Variants in TSPAN4 observed in about 807,000 individuals in gnomAD.
TSPAN4 encodes the protein tetraspanin 4, also known as tetraspanin-4.
In TSPAN4, 38 loss-of-function variants were observed where a neutral mutation model predicts 31.5. The ratio of observed to expected loss-of-function variants is 1.21; its 90% CI spans 0.93 to 1.58. The LOEUF is 1.58. TSPAN4 is among the 40% of genes most tolerant of loss of function. The pLI, the probability that TSPAN4 is intolerant of heterozygous loss-of-function variation, is 0.00. For missense variants in TSPAN4, 330 were observed against 317.3 expected, an observed-to-expected ratio of 1.04 and a Z score of -0.30; for synonymous variants, 186 against 144.6, an observed-to-expected ratio of 1.29 and a Z score of -2.06.
rs553716529 is a variant in TSPAN4 at position 865,859 on chromosome 11, G to A, written c.564+34G>A. On this transcript the variant is annotated intron_variant, in intron 7 of 8. Coordinates refer to ENST00000397397, the MANE Select transcript of TSPAN4 (RefSeq NM_003271.5). Reference sequence around the variant, plus strand: ...GACCCCCACCCTGGGGGCTGGTAGGGGCCTAGAGGGCGGGACCAGCAGGCC... The same window carrying A: ...GACCCCCACCCTGGGGGCTGGTAGGAGCCTAGAGGGCGGGACCAGCAGGCC... 10 of 1,612,568 alleles carry A rather than the reference G, an allele frequency of 6.2e-6. No individual in the cohort carries two copies. In the African/African-American group the frequency reaches 1.3e-4, roughly 21 times the overall value.
At chr11:852,339 G>A (rs1037139698) in intron 3 of TSPAN4, among the ~76,000 whole-genome samples, 2 of 152,024 alleles carry the variant, frequency 1.3e-5, no homozygotes, top group African/African-American at 4.8e-5. Flanking sequence ...GGTCAGGTTG[G>A]TCTCGAACTC....
At chr11:862,927 TG>T (rs772426201) in intron 4 of TSPAN4, 186 bp downstream of exon 4, 55 of 630,360 alleles carry the variant, frequency 8.7e-5, no homozygotes, top group South Asian at 2.2e-4. Flanking sequence ...ACACTGGGGC[TG>T]GGGGGTGATT....
intron 3 of TSPAN4, among the ~76,000 whole-genome samples, chr11:854,153 G>A (rs1168902096): frequency 1.3e-5 from 2 of 152,224 alleles, no homozygotes; most frequent in Non-Finnish European, 1.5e-5. Flanking sequence ...GAGCTATTTA[G>A]CAAGGTGCCA....
chr11:862,146 C>A (rs765660815), intron 3 of TSPAN4, among the ~76,000 whole-genome samples: 1 of 152,226 alleles, frequency 6.6e-6, no homozygotes, highest in Admixed American at 6.5e-5. Context: ...AGTGGCCTGT[C>A]AGGTGGGGAG....
At chr11:851,643 G>A (rs1488845991) in intron 3 of TSPAN4, among the ~76,000 whole-genome samples, 2 of 152,154 alleles carry the variant, frequency 1.3e-5, no homozygotes, top group Non-Finnish European at 2.9e-5. Flanking sequence ...AAGAGGCTCT[G>A]GAGGGGTGAG....
chr11:852,975 G>A (rs556831946), intron 3 of TSPAN4, among the ~76,000 whole-genome samples: 218 of 152,334 alleles, frequency 1.4e-3, no homozygotes, highest in Admixed American at 3.6e-3. Flanking sequence ...AGTGACCAGA[G>A]CCGTGGGCAG....
intron 1 of TSPAN4, among the ~76,000 whole-genome samples, chr11:844,887 G>A (rs1215190090): frequency 6.6e-6 from 1 of 152,128 alleles, no homozygotes; most frequent in Non-Finnish European, 1.5e-5. Flanking sequence ...CATGATTGAA[G>A]TTTTAGCTGC....
intron 4 of TSPAN4, 60 bp downstream of exon 4, chr11:862,801 G>A: frequency 1.3e-6 from 2 of 1,487,290 alleles, no homozygotes; most frequent in South Asian, 1.4e-5. Context: ...GGCTCCGGTG[G>A]CCCCCAGGCC....
rs1429512563 is a variant in TSPAN4, at chr11:862,630, C to A, written c.144C>A (p.Phe48Leu). Residue 48 changes from phenylalanine (F) to leucine (L), a missense_variant, in exon 4 of 9, where the codon TTC (phenylalanine) becomes TTA (leucine). Physicochemically the swap from Phe to Leu is conservative, Grantham distance 22 (BLOSUM62 0). Transcript: ENST00000397397. ...GCTTCGCCACGCTGTCCTCTTCCTT[C>A]CCGTCCCTGTCGGCTGCCAACTTGC... ...QGSFATLSSS[F>L]PSLSAANLLI... 1.2e-6 allele frequency: 2 copies of A among 1,613,288 alleles called. No homozygotes were observed. Among genetic ancestry groups the A allele is most frequent in the Non-Finnish European group, 1.7e-6 (2 of 1,179,912 alleles).
At chr11:844,723 G>C (rs537246131) in intron 1 of TSPAN4, 30 of 150,370 alleles carry the variant, frequency 2.0e-4, no homozygotes, top group African/African-American at 6.6e-4. Flanking sequence ...GGGGGTCTGG[G>C]ATGGGGCCAG....
At chr11:865,423 G>A (rs977000673) in intron 5 of TSPAN4, 90 bp from the exon 6 acceptor site, 2 of 1,028,010 alleles carry the variant, frequency 1.9e-6, no homozygotes, top group South Asian at 1.4e-5. Context: ...AGGCGCAGGA[G>A]GGGCCCAGCT....
At chr11:862,833 C>T (rs1848538662) in intron 4 of TSPAN4, 92 bp downstream of exon 4, 1 of 1,329,988 alleles carries the variant, frequency 7.5e-7, no homozygotes, top group Non-Finnish European at 1.0e-6. Flanking sequence ...AGTGACCCCC[C>T]AGACGTGGGC....
chr11:860,430 G>A lies in TSPAN4; in HGVS notation c.64-2120G>A, dbSNP rs1245031462. Among the ~76,000 whole-genome samples, 6 of 152,220 alleles carry A rather than the reference G, an allele frequency of 3.9e-5. No individual in the cohort carries two copies. In the East Asian group the frequency reaches 7.7e-4, roughly 20 times the overall value. ...GGCGGCCTCCAACCTCCAGCCTGGCGCTGGCTGATGCACTGCTCAGGGAGG... is the reference window on the plus strand; with the variant it reads ...GGCGGCCTCCAACCTCCAGCCTGGCACTGGCTGATGCACTGCTCAGGGAGG... On this transcript the variant is annotated intron_variant, in intron 3 of 8. Transcript: ENST00000397397.
intron 1 of TSPAN4, among the ~76,000 whole-genome samples, chr11:845,613 C>T (rs1214091847): frequency 2.6e-5 from 4 of 152,064 alleles, no homozygotes; most frequent in Non-Finnish European, 1.5e-5. Flanking sequence ...GGGATGGCAC[C>T]TGAGGTGCGG....
intron 3 of TSPAN4, among the ~76,000 whole-genome samples, chr11:853,908 C>T (rs965144193): frequency 3.9e-5 from 6 of 152,176 alleles, no homozygotes; most frequent in Admixed American, 1.3e-4. Context: ...GTGCAGGGCC[C>T]GTGAGCCTGA....
chr11:849,338 C>A (rs1366005335), intron 2 of TSPAN4, among the ~76,000 whole-genome samples: 1 of 152,082 alleles, frequency 6.6e-6, no homozygotes, highest in Non-Finnish European at 1.5e-5. Context: ...GCCCCCCACC[C>A]GCCGCCGGCA....
chr11:851,232 G>T (rs1414597601), intron 3 of TSPAN4, among the ~76,000 whole-genome samples: 8 of 152,228 alleles, frequency 5.3e-5, no homozygotes, highest in Admixed American at 5.2e-4. Context: ...TGCAGTTGGG[G>T]GTGGCCGAGG....
intron 3 of TSPAN4, among the ~76,000 whole-genome samples, chr11:861,577 T>C (rs904444835): frequency 6.6e-6 from 1 of 152,080 alleles, no homozygotes; most frequent in Non-Finnish European, 1.5e-5. Flanking sequence ...CTGGGCGTGG[T>C]GGCGGGCGCC....
intron 6 of TSPAN4, 32 bp downstream of exon 6, chr11:865,646 G>A (rs1848736239): frequency 1.2e-6 from 2 of 1,612,248 alleles, no homozygotes; most frequent in Non-Finnish European, 1.7e-6. Context: ...GGGGTCGGCG[G>A]GTGCCCCCTC....
Sources: allele counts gnomAD v4.1 joint callset (sites outside exome capture counted in the v4.1 genomes callset), GRCh38; gene constraint gnomAD v4.1.1; transcripts MANE v1.5; gene names NCBI Gene and HGNC (gene_info 2026-07-23, HGNC 2026-07-21).